The following PRKCE variants were observed in gnomAD, a reference collection of about 807,000 sequenced individuals.
PRKCE encodes the protein protein kinase C epsilon.
PRKCE carries 16 observed loss-of-function variants against 85.4 expected under a neutral mutation model. The observed-to-expected ratio is 0.19, with a 90% CI of 0.13 to 0.28. PRKCE has a LOEUF of 0.28. Ranked by LOEUF, PRKCE falls within the 10% of genes least tolerant of loss-of-function variation. The probability of loss-of-function intolerance (pLI) is 1.00; values close to 1 mark genes in which losing one functional copy is unlikely to be tolerated. For synonymous variants in PRKCE, 388 were observed against 371.5 expected, an observed-to-expected ratio of 1.04 and a Z score of -0.51; for missense variants, 573 against 975.2, an observed-to-expected ratio of 0.59 and a Z score of 5.49.
chr2:46,083,875 T>A (rs1459693078), intron 10 of PRKCE, among the ~76,000 whole-genome samples: 1 of 152,206 alleles, frequency 6.6e-6, no homozygotes, highest in Non-Finnish European at 1.5e-5. Context: ...AATCCTTATA[T>A]TGCACAGATG....
At chr2:46,046,428 A>G (rs573882638) in intron 10 of PRKCE, among the ~76,000 whole-genome samples, 1 of 152,322 alleles carries the variant, frequency 6.6e-6, no homozygotes, top group Admixed American at 6.5e-5. Context: ...GCTTCTCAAC[A>G]AAATCACCTC....
intron 2 of PRKCE, among the ~76,000 whole-genome samples, chr2:45,862,819 C>T (rs765960886): frequency 3.3e-5 from 5 of 152,326 alleles, no homozygotes; most frequent in Admixed American, 6.5e-5. Flanking sequence ...TGTGTACACA[C>T]ATGCACCCAT....
chr2:45,777,258 T>A (rs77880438), intron 1 of PRKCE, among the ~76,000 whole-genome samples: 1 of 152,150 alleles, frequency 6.6e-6, no homozygotes, highest in East Asian at 1.9e-4. Context: ...AAGTTTGAGA[T>A]GGGTGTTGAT....
rs540162876 is a variant in PRKCE at position 45,765,331 on chromosome 2, A to T, written c.349-77669A>T. 4.6e-5 allele frequency among the ~76,000 whole-genome samples: 7 copies of T among 152,346 alleles called. No individual in the cohort carries two copies. The East Asian group carries it at 7.7e-4, about 17-fold the overall frequency. On this transcript the variant is annotated intron_variant, in intron 1 of 14. Transcript: ENST00000306156. ...AAAACAATATGTTTATTGAAAGGTCAAACTAATGGCCAAGGCCAATGGAGT... is the reference window on the plus strand; with the variant it reads ...AAAACAATATGTTTATTGAAAGGTCTAACTAATGGCCAAGGCCAATGGAGT...
intron 11 of PRKCE, among the ~76,000 whole-genome samples, chr2:46,088,048 G>C (rs551045767): frequency 1.3e-5 from 2 of 152,008 alleles, no homozygotes; most frequent in Non-Finnish European, 2.9e-5. Context: ...AAATCCCTTT[G>C]CCATATAATG....
At chr2:45,855,016 C>G (rs1261731900) in intron 2 of PRKCE, among the ~76,000 whole-genome samples, 1 of 152,176 alleles carries the variant, frequency 6.6e-6, no homozygotes, top group East Asian at 1.9e-4. Context: ...TGGAGGTATT[C>G]AAGGAGAGAC....
At chr2:45,680,248 G>A (rs1202578170) in intron 1 of PRKCE, among the ~76,000 whole-genome samples, 2 of 152,208 alleles carry the variant, frequency 1.3e-5, no homozygotes, top group Non-Finnish European at 2.9e-5. Context: ...GTGGACACCA[G>A]CAATCTTAGG....
chr2:45,709,393 G>A (rs2104344600), intron 1 of PRKCE, among the ~76,000 whole-genome samples: 1 of 152,354 alleles, frequency 6.6e-6, no homozygotes, highest in South Asian at 2.1e-4. Context: ...CTTGCTTCAT[G>A]CCCTATATCA....
At chr2:45,811,764 G>A (rs1688668179) in intron 1 of PRKCE, among the ~76,000 whole-genome samples, 1 of 152,150 alleles carries the variant, frequency 6.6e-6, no homozygotes, top group Non-Finnish European at 1.5e-5. Flanking sequence ...ATGATAGGGA[G>A]TCATCCCACT....
chr2:46,027,461 A>C (rs765392156), intron 10 of PRKCE, among the ~76,000 whole-genome samples: 2 of 152,170 alleles, frequency 1.3e-5, no homozygotes, highest in Non-Finnish European at 2.9e-5. Context: ...AAGGCCAGCA[A>C]CCATGTTCTA....
chr2:45,756,554 T>C (rs912145956), intron 1 of PRKCE, among the ~76,000 whole-genome samples: 4 of 152,244 alleles, frequency 2.6e-5, no homozygotes, highest in African/African-American at 7.2e-5. Context: ...TCATAGCAGC[T>C]TCACTTGTAA....
At chr2:45,859,078 AAATAAATAAAT>A (rs1265469999) in intron 2 of PRKCE, among the ~76,000 whole-genome samples, 1,654 of 150,134 alleles carry the variant, frequency 0.011, 20 homozygotes, top group South Asian at 0.057. Context: ...ATAAATAAAT[AAATAAATAAAT>A]AAAATAGTAT....
intron 1 of PRKCE, among the ~76,000 whole-genome samples, chr2:45,823,251 C>T (rs1021856614): frequency 2.6e-5 from 4 of 152,214 alleles, no homozygotes; most frequent in Non-Finnish European, 4.4e-5. Context: ...GGACCACAGC[C>T]TTCCTGCTAC....
At chr2:46,149,965 T>C (rs1054585392) in intron 12 of PRKCE, among the ~76,000 whole-genome samples, 2 of 151,992 alleles carry the variant, frequency 1.3e-5, no homozygotes, top group Non-Finnish European at 2.9e-5. Flanking sequence ...CAAGTGATTT[T>C]TCCACCTCAG....
intron 1 of PRKCE, among the ~76,000 whole-genome samples, chr2:45,733,390 GTC>G (rs1242199267): frequency 6.6e-6 from 1 of 152,182 alleles, no homozygotes; most frequent in Non-Finnish European, 1.5e-5. Context: ...AACAGATAAG[GTC>G]TCTGTCCTCA....
intron 2 of PRKCE, among the ~76,000 whole-genome samples, chr2:45,954,274 T>C (rs1232413881): frequency 6.6e-6 from 1 of 152,202 alleles, no homozygotes; most frequent in Non-Finnish European, 1.5e-5. Context: ...GCTAATGGCT[T>C]CCTTATCACT....
intron 11 of PRKCE, among the ~76,000 whole-genome samples, chr2:46,123,305 A>G (rs946135231): frequency 7.4e-6 from 1 of 135,116 alleles, no homozygotes; most frequent in Non-Finnish European, 1.5e-5. Context: ...ATGCTTTAAT[A>G]TCTTAAACTA....
In PRKCE at chr2:46,004,230, T is replaced by G. The variant is rs924331068; in HGVS notation, c.967-312T>G. ...CACAACCCGAACTACTTCATCCTTT[T>G]GGATGGGGTTGGATCAAACATTGTA... is the stretch of plus-strand genomic sequence containing the variant. On this transcript the variant is annotated intron_variant, in intron 7 of 14. Transcript: ENST00000306156. This position sits in a 1 kb window ranked among gnomAD's most constrained non-coding sequence, Gnocchi z 4.1. 2 of 353,990 alleles carry G rather than the reference T, an allele frequency of 5.6e-6. No homozygotes were observed. The highest frequency in any genetic ancestry group is 1.1e-5 in the Non-Finnish European group (2 of 181,762). The allele number at this position is 353,990 out of a possible 1,614,324, so 21.9% of individuals were successfully genotyped here. A position where few individuals can be genotyped will look rare whatever the true frequency, so the allele number is the denominator to read the frequency against.
chr2:46,170,141 C>G (rs1215599885), intron 14 of PRKCE, among the ~76,000 whole-genome samples: 1 of 152,192 alleles, frequency 6.6e-6, no homozygotes, highest in East Asian at 1.9e-4. Context: ...ATGTCATACA[C>G]CCATGTGACC....
Sources: gnomAD v4.1 joint callset for allele counts (sites outside exome capture counted in the v4.1 genomes callset) on GRCh38, gnomAD v4.1.1 for gene constraint, Gnocchi (gnomAD v3.1) non-coding constraint, MANE v1.5 for transcripts, NCBI Gene and HGNC (gene_info 2026-07-23, HGNC 2026-07-21) for gene names.